The following ADCY9 variants were observed in gnomAD, a reference collection of about 807,000 sequenced individuals.
ADCY9 encodes adenylate cyclase type 9.
ADCY9 carries 50 observed loss-of-function variants against 101.5 expected under a neutral mutation model. The observed-to-expected ratio is 0.49, with a 90% CI of 0.39 to 0.62. ADCY9 has a LOEUF of 0.62. Ranked by LOEUF, ADCY9 falls within the 20% of genes least tolerant of loss-of-function variation. The pLI is 0.00. For synonymous variants in ADCY9, 905 were observed against 769.3 expected, an observed-to-expected ratio of 1.18 and a Z score of -2.92; for missense variants, 1,662 against 1,800.4, an observed-to-expected ratio of 0.92 and a Z score of 1.39.
intron 2 of ADCY9, among the ~76,000 whole-genome samples, chr16:4,041,099 C>A (rs1045515110): frequency 6.6e-6 from 1 of 152,130 alleles, no homozygotes; most frequent in Non-Finnish European, 1.5e-5. Context: ...CATTAAAGAC[C>A]AGCAGGGTCA....
At chr16:4,053,784 T>C (rs1283607145) in intron 2 of ADCY9, among the ~76,000 whole-genome samples, 1 of 152,106 alleles carries the variant, frequency 6.6e-6, no homozygotes, top group Non-Finnish European at 1.5e-5. Flanking sequence ...TCATGCCAAC[T>C]TCAAAAGTTA....
At chr16:3,968,487 A>C (rs1255510319) in intron 10 of ADCY9, among the ~76,000 whole-genome samples, 1 of 152,150 alleles carries the variant, frequency 6.6e-6, no homozygotes, top group East Asian at 1.9e-4. Flanking sequence ...AGCTTTTATG[A>C]GTTCTATACT....
At chr16:4,060,192 C>T (rs7204987) in intron 2 of ADCY9, among the ~76,000 whole-genome samples, 95,264 of 152,102 alleles carry the variant, frequency 0.63, 30,117 homozygotes, top group South Asian at 0.7. Flanking sequence ...CCTGCAATGC[C>T]GGTTGTGGCA....
rs55792873 is a variant in ADCY9, at chr16:4,035,998, C to CAAAAAAAA, written c.1694-28448_1694-28441dup. ...TGGGCAAATGAGTGAAACTCCATCTCAAAAAAAAAAAAAAAAAAAAAAAAA... is the reference window on the plus strand; with the variant it reads ...TGGGCAAATGAGTGAAACTCCATCTCAAAAAAAAAAAAAAAAAAAAAAAAAAAAAAAAA... On this transcript the variant is annotated intron_variant, in intron 2 of 10. Transcript: ENST00000294016. 2.2e-4 allele frequency among the ~76,000 whole-genome samples: 5 copies of CAAAAAAAA among 23,164 alleles called. 1 individual carries two copies. Among genetic ancestry groups the CAAAAAAAA allele is most frequent in the African/African-American group, 3.3e-4 (2 of 6,090 alleles). 15.2% of individuals were successfully genotyped at this position (23,164 alleles called of 152,430 possible).
chr16:4,040,072 GAGA>G (rs1161887785), intron 2 of ADCY9, among the ~76,000 whole-genome samples: 1 of 152,056 alleles, frequency 6.6e-6, no homozygotes, highest in Non-Finnish European at 1.5e-5. Flanking sequence ...GAGAAGAGAA[GAGA>G]AGACCATTGA....
At chr16:4,026,895 A>T (rs1000840120) in intron 2 of ADCY9, among the ~76,000 whole-genome samples, 1 of 152,158 alleles carries the variant, frequency 6.6e-6, no homozygotes, top group East Asian at 1.9e-4. Context: ...CAAAAGGAAA[A>T]CCATACCCAG....
Position 4,007,383 on chromosome 16 carries a change from G to A in ADCY9, c.1869C>T (p.Thr623=), listed in dbSNP as rs267604543. Residue 623 remains threonine, a synonymous_variant, in exon 3 of 11, where the codon ACC becomes ACT. Transcript: ENST00000294016. ...AAAAACTAACCTTAAGGTTATCAAA[G>A]GTTTTGACAGTCTGCGCCAAGTCAC... ...NVSDLAQTVK[T]FDNLKTCPSC... The A allele has an allele frequency of 6.3e-7, 1 of 1,576,106 alleles. No homozygotes were observed. Among genetic ancestry groups the A allele is most frequent in the East Asian group, 2.3e-5 (1 of 44,398 alleles).
intron 4 of ADCY9, chr16:3,993,200 G>C: frequency 1.2e-6 from 1 of 806,960 alleles, no homozygotes; most frequent in Non-Finnish European, 1.9e-6. Flanking sequence ...CTCAGCCCCT[G>C]AGCGCTGGTT....
chr16:3,972,387 G>T (rs1280221026), intron 10 of ADCY9, among the ~76,000 whole-genome samples: 1 of 151,674 alleles, frequency 6.6e-6, no homozygotes, highest in Non-Finnish European at 1.5e-5. Flanking sequence ...CCGCCACCAC[G>T]TCCAGCTAAT....
At chr16:4,076,147 T>C (rs978481332) in intron 2 of ADCY9, among the ~76,000 whole-genome samples, 1 of 152,130 alleles carries the variant, frequency 6.6e-6, no homozygotes, top group Non-Finnish European at 1.5e-5. Context: ...TGCGCTACCA[T>C]CACACCTGTG....
rs180784710 is a variant in ADCY9, at chr16:3,976,898, T to C, written c.2828+584A>G. Among the ~76,000 whole-genome samples, 804 of 152,338 alleles carry C rather than the reference T, an allele frequency of 5.3e-3. 6 individuals carry two copies. The highest frequency in any genetic ancestry group is 0.019 in the African/African-American group (770 of 41,562). On this transcript the variant is annotated intron_variant, in intron 9 of 10. Transcript: ENST00000294016. ...GTCTTGAACTCCTGACCTCAGGTGATCTGCCTGCCTTGGCCTCCCAAAGTG... is the reference window on the plus strand; with the variant it reads ...GTCTTGAACTCCTGACCTCAGGTGACCTGCCTGCCTTGGCCTCCCAAAGTG...
At chr16:4,084,752 G>T (rs1259510798) in intron 2 of ADCY9, among the ~76,000 whole-genome samples, 6 of 151,798 alleles carry the variant, frequency 4.0e-5, no homozygotes, top group Admixed American at 1.3e-4. Flanking sequence ...AAACAAACAG[G>T]AAATGTGATA....
chr16:4,108,253 T>C (rs186863061), intron 2 of ADCY9, among the ~76,000 whole-genome samples: 50 of 152,244 alleles, frequency 3.3e-4, no homozygotes, highest in African/African-American at 1.1e-3. Flanking sequence ...CTCACCATTT[T>C]TTGCTTGTGG....
intron 2 of ADCY9, among the ~76,000 whole-genome samples, chr16:4,061,784 G>T (rs1343114277): frequency 6.6e-6 from 1 of 152,128 alleles, no homozygotes; most frequent in South Asian, 2.1e-4. Flanking sequence ...AATAAAGAAT[G>T]CTAGTAATAC....
intron 2 of ADCY9, among the ~76,000 whole-genome samples, chr16:4,080,718 G>GTTTT (rs35038759): frequency 7.0e-6 from 1 of 143,696 alleles, no homozygotes; most frequent in Non-Finnish European, 1.5e-5. Context: ...CATTTTTTTC[G>GTTTT]TTTTTTTTTT....
intron 2 of ADCY9, among the ~76,000 whole-genome samples, chr16:4,098,258 T>C (rs572190364): frequency 4.3e-4 from 65 of 151,984 alleles, no homozygotes; most frequent in Non-Finnish European, 2.5e-4. Flanking sequence ...TTTTTTTTTT[T>C]GAGACAGAAT....
chr16:4,052,834 C>G (rs1416196177), intron 2 of ADCY9, among the ~76,000 whole-genome samples: 1 of 152,220 alleles, frequency 6.6e-6, no homozygotes, highest in Non-Finnish European at 1.5e-5. Context: ...GTAAGGCAAA[C>G]TGCTGGGGCG....
intron 2 of ADCY9, among the ~76,000 whole-genome samples, chr16:4,082,853 A>G (rs1304972470): frequency 6.6e-6 from 1 of 152,256 alleles, no homozygotes; most frequent in African/African-American, 2.4e-5. Context: ...CCAGTAACTA[A>G]GGAGGATGTG....
At chr16:4,057,760 G>A (rs540500466) in intron 2 of ADCY9, among the ~76,000 whole-genome samples, 131 of 152,272 alleles carry the variant, frequency 8.6e-4, no homozygotes, top group Admixed American at 2.2e-3. Flanking sequence ...AGCATTTACG[G>A]CGTGTTCTCG....
Sources: allele counts gnomAD v4.1 joint callset (sites outside exome capture counted in the v4.1 genomes callset), GRCh38; gene constraint gnomAD v4.1.1; transcripts MANE v1.5; gene names NCBI Gene and HGNC (gene_info 2026-07-23, HGNC 2026-07-21).